The following CCBE1 variants were observed in gnomAD, a reference collection of about 807,000 sequenced individuals.
CCBE1 encodes the protein collagen and calcium binding EGF domains 1.
Under a neutral mutation model 50.0 loss-of-function variants are expected in CCBE1, and 37 were observed. That is an observed-to-expected ratio of 0.74 (90% confidence interval 0.57 to 0.97). The LOEUF is 0.97. CCBE1 is among the 50% of genes least tolerant of loss of function. The probability of loss-of-function intolerance (pLI) is 0.00; values close to 1 mark genes in which losing one functional copy is unlikely to be tolerated. For missense variants in CCBE1, 538 were observed against 523.8 expected (o/e 1.03, Z -0.26); for synonymous variants, 234 against 203.7 (o/e 1.15, Z -1.27).
intron 2 of CCBE1, among the ~76,000 whole-genome samples, chr18:59,587,636 T>G (rs1295819774): frequency 6.6e-6 from 1 of 152,232 alleles, no homozygotes; most frequent in Non-Finnish European, 1.5e-5. Flanking sequence ...AAGAAGCGAC[T>G]CAGATCTAGG....
intron 7 of CCBE1, among the ~76,000 whole-genome samples, chr18:59,441,922 T>C (rs7229603): frequency 0.14 from 20,880 of 152,160 alleles, 2,396 homozygotes; most frequent in African/African-American, 0.31. Flanking sequence ...CTACAGTGGC[T>C]CCCCTCTGCA....
chr18:59,578,734 T>C (rs2053039250), intron 2 of CCBE1, among the ~76,000 whole-genome samples: 1 of 152,070 alleles, frequency 6.6e-6, no homozygotes, highest in East Asian at 1.9e-4. Flanking sequence ...CACTTATAAG[T>C]GGGAGTTGAA....
At chr18:59,490,272 A>G (rs377245182) in intron 2 of CCBE1, among the ~76,000 whole-genome samples, 44 of 152,144 alleles carry the variant, frequency 2.9e-4, no homozygotes, top group African/African-American at 9.4e-4. Flanking sequence ...GGCGTGAGCC[A>G]CCACACCCAG....
At chr18:59,468,256 A>G (rs1384072079) in intron 4 of CCBE1, among the ~76,000 whole-genome samples, 1 of 152,182 alleles carries the variant, frequency 6.6e-6, no homozygotes, top group Non-Finnish European at 1.5e-5. Flanking sequence ...GTAGTGGCGC[A>G]TGCCTGTAGC....
chr18:59,468,513 C>T (rs1911862713), intron 4 of CCBE1, among the ~76,000 whole-genome samples: 1 of 152,304 alleles, frequency 6.6e-6, no homozygotes, highest in East Asian at 1.9e-4. Context: ...GATCCCTGCC[C>T]CATTCACTTG....
intron 2 of CCBE1, among the ~76,000 whole-genome samples, chr18:59,500,938 G>A (rs1361670849): frequency 6.6e-6 from 1 of 152,176 alleles, no homozygotes; most frequent in Non-Finnish European, 1.5e-5. Context: ...CTCATACAGA[G>A]CTCCTCTGAA....
rs1230979322 is a variant in CCBE1, at chr18:59,658,324, A to T, written c.212+38305T>A. Among the ~76,000 whole-genome samples, 44 of 5,518 alleles carry T rather than the reference A, an allele frequency of 8.0e-3. 11 individuals carry two copies. Among genetic ancestry groups the T allele is most frequent in the African/African-American group, 0.027 (31 of 1,138 alleles). The allele number at this position is 5,518 out of a possible 152,430, so 3.6% of individuals were successfully genotyped here. ...CAACATAGCAAGACCCTGTCTCTAA[A>T]AAAAAAAAAAAAAAAAAAAAAAAAA... On this transcript the variant is annotated intron_variant, in intron 2 of 10. Transcript: ENST00000439986.
chr18:59,634,696 A>G (rs993261650), intron 2 of CCBE1, among the ~76,000 whole-genome samples: 4 of 152,264 alleles, frequency 2.6e-5, no homozygotes, highest in Admixed American at 2.0e-4. Flanking sequence ...TTTATTTAAA[A>G]TAATTAAACT....
intron 2 of CCBE1, among the ~76,000 whole-genome samples, chr18:59,606,896 C>T (rs1345529801): frequency 6.6e-6 from 1 of 152,146 alleles, no homozygotes; most frequent in Non-Finnish European, 1.5e-5. Context: ...TTGGTTCATG[C>T]TTCTGCTGTG....
intron 2 of CCBE1, among the ~76,000 whole-genome samples, chr18:59,612,829 TTTTTTTGTTTTTGTTTTTG>T (rs2053590327): frequency 8.9e-6 from 1 of 112,246 alleles, no homozygotes; most frequent in Admixed American, 9.3e-5. Flanking sequence ...TTTTTTTGTT[TTTTTTTGTTTTTGTTTTTG>T]TTTTTTTTAA....
intron 2 of CCBE1, among the ~76,000 whole-genome samples, chr18:59,601,792 G>A (rs540608524): frequency 6.6e-6 from 1 of 152,188 alleles, no homozygotes; most frequent in Admixed American, 6.5e-5. Flanking sequence ...TTAGTGAGGG[G>A]AGTGCATTCT....
chr18:59,681,597 G>A lies in CCBE1; in HGVS notation c.212+15032C>T, dbSNP rs376807894. On this transcript the variant is annotated intron_variant, in intron 2 of 10. Transcript: ENST00000439986. ...ACAGCACATGTTCAAAGCAAGCAGTGAAATGCGAGCCAGCCAGTGGCCAGC... is the reference window on the plus strand; with the variant it reads ...ACAGCACATGTTCAAAGCAAGCAGTAAAATGCGAGCCAGCCAGTGGCCAGC... Among the ~76,000 whole-genome samples the A allele has an allele frequency of 1.1e-3, 173 of 152,334 alleles. 1 individual carries two copies. The South Asian group carries it at 0.029, about 26-fold the overall frequency.
At chr18:59,587,049 A>C (rs1009537873) in intron 2 of CCBE1, among the ~76,000 whole-genome samples, 1 of 152,240 alleles carries the variant, frequency 6.6e-6, no homozygotes, top group African/African-American at 2.4e-5. Flanking sequence ...TCATTTCGTT[A>C]GGAAGAAAAA....
chr18:59,583,999 G>C (rs2053135946), intron 2 of CCBE1, among the ~76,000 whole-genome samples: 1 of 151,896 alleles, frequency 6.6e-6, no homozygotes, highest in Non-Finnish European at 1.5e-5. Context: ...CCCATTACTG[G>C]GTATATACCC....
intron 2 of CCBE1, among the ~76,000 whole-genome samples, chr18:59,623,789 G>A (rs530466286): frequency 4.4e-4 from 67 of 152,176 alleles, no homozygotes; most frequent in African/African-American, 1.2e-3. Flanking sequence ...TTGAAAACAC[G>A]GCTGCTTTGT....
intron 2 of CCBE1, among the ~76,000 whole-genome samples, chr18:59,674,658 T>C (rs984255657): frequency 2.6e-5 from 4 of 152,150 alleles, no homozygotes; most frequent in African/African-American, 9.7e-5. Flanking sequence ...AATAAGAACA[T>C]ATTTGAGCAC....
At chr18:59,488,950 A>G (rs1224928218) in intron 2 of CCBE1, among the ~76,000 whole-genome samples, 1 of 152,144 alleles carries the variant, frequency 6.6e-6, no homozygotes, top group Non-Finnish European at 1.5e-5. Flanking sequence ...CCCCTGCTAT[A>G]GTCTAACTCC....
intron 2 of CCBE1, among the ~76,000 whole-genome samples, chr18:59,518,769 G>A (rs564207406): frequency 6.6e-6 from 1 of 152,300 alleles, no homozygotes; most frequent in South Asian, 2.1e-4. Context: ...GCTGGCCTCT[G>A]CATCACTTTG....
chr18:59,559,194 G>A (rs927000768), intron 2 of CCBE1, among the ~76,000 whole-genome samples: 68 of 152,222 alleles, frequency 4.5e-4, no homozygotes, highest in African/African-American at 1.5e-3. Context: ...TGGAGATGGC[G>A]CTGAAGCATC....
Sources: allele counts gnomAD v4.1 joint callset (sites outside exome capture counted in the v4.1 genomes callset), GRCh38; gene constraint gnomAD v4.1.1; transcripts MANE v1.5; gene names NCBI Gene and HGNC (gene_info 2026-07-23, HGNC 2026-07-21).